Variants in NRXN3 observed in about 807,000 individuals in gnomAD.
NRXN3 encodes the protein neurexin 3.
A neutral mutation model predicts 137.6 loss-of-function variants in NRXN3; 32 were observed. That is an observed-to-expected ratio of 0.23 (90% CI 0.18 to 0.31). The LOEUF is 0.31. Ranked by LOEUF, NRXN3 falls within the 10% of genes least tolerant of loss-of-function variation. The pLI, the probability that NRXN3 is intolerant of heterozygous loss-of-function variation, is 1.00. For synonymous variants in NRXN3, 798 were observed against 784.5 expected (o/e 1.02, Z -0.29); for missense variants, 1,574 against 2,062.5 (o/e 0.76, Z 4.59).
chr14:78,728,856 A>G lies in NRXN3; in HGVS notation c.2044+13717A>G, dbSNP rs150477661. On this transcript the variant is annotated intron_variant, in intron 8 of 20. Coordinates refer to ENST00000335750, the MANE Select transcript of NRXN3 (RefSeq NM_001330195.2). ...GGAGGTTGCAGTGAGCTGAGACTGC[A>G]CCACTGCACTCCAGCCTGGGCAACA... 0.01 allele frequency among the ~76,000 whole-genome samples: 1,526 copies of G among 152,260 alleles called. 79 individuals are homozygous for G. The East Asian group carries it at 0.16, about 16-fold the overall frequency.
intron 15 of NRXN3, among the ~76,000 whole-genome samples, chr14:79,428,354 ATAT>A (rs1555442288): frequency 2.6e-5 from 4 of 151,986 alleles, no homozygotes; most frequent in Non-Finnish European, 4.4e-5. Flanking sequence ...TAAAAAAATA[ATAT>A]TATCTTTTAT....
At chr14:79,441,779 G>A (rs554503380) in intron 15 of NRXN3, among the ~76,000 whole-genome samples, 1 of 151,680 alleles carries the variant, frequency 6.6e-6, no homozygotes, top group Non-Finnish European at 1.5e-5. Context: ...CACACAGTAT[G>A]TGTGTGTGAA....
intron 10 of NRXN3, among the ~76,000 whole-genome samples, chr14:78,952,874 CAA>C (rs2099389717): frequency 6.6e-6 from 1 of 152,130 alleles, no homozygotes; most frequent in African/African-American, 2.4e-5. Flanking sequence ...TCCACCCAAG[CAA>C]AAGTTTCCAA....
At chr14:78,792,257 C>CAAAAAAAAAAAAAAAAAA (rs140968788) in intron 8 of NRXN3, among the ~76,000 whole-genome samples, 2 of 19,456 alleles carry the variant, frequency 1.0e-4, no homozygotes, top group African/African-American at 5.5e-4. Flanking sequence ...AGACTAAAGG[C>CAAAAAAAAAAAAAAAAAA]AAAAAAAAAA....
chr14:78,463,236 G>GGT (rs144999374), intron 4 of NRXN3, among the ~76,000 whole-genome samples: 1 of 151,722 alleles, frequency 6.6e-6, no homozygotes, highest in Non-Finnish European at 1.5e-5. Context: ...ATGTATACAT[G>GGT]GTGTGTGTGT....
chr14:78,286,503 C>A (rs570877751), intron 3 of NRXN3, among the ~76,000 whole-genome samples: 1 of 152,040 alleles, frequency 6.6e-6, no homozygotes, highest in Non-Finnish European at 1.5e-5. Context: ...CTGGTAAGGA[C>A]GAGGCTAAGC....
At chr14:79,836,821 A>G (rs2099345079) in intron 20 of NRXN3, among the ~76,000 whole-genome samples, 1 of 152,114 alleles carries the variant, frequency 6.6e-6, no homozygotes, top group Non-Finnish European at 1.5e-5. Flanking sequence ...CACACAAAAA[A>G]TCCTGACTCA....
At chr14:79,306,724 G>A (rs777416986) in intron 15 of NRXN3, among the ~76,000 whole-genome samples, 10 of 152,004 alleles carry the variant, frequency 6.6e-5, no homozygotes, top group Non-Finnish European at 1.5e-4. Flanking sequence ...TTTGAGATAA[G>A]CCCCAGTTGT....
rs1005841503 is a variant in NRXN3, at chr14:79,436,663, G to A, written c.3263-30558G>A. Among the ~76,000 whole-genome samples the A allele has an allele frequency of 3.9e-5, 6 of 152,148 alleles. 1 individual carries two copies. The South Asian group carries it at 1.2e-3, about 32-fold the overall frequency. ...TCTGCTAAGAAAAGACATACTGTTT[G>A]TTTTTATTGGGCAGGCAGCATCCTA... On this transcript the variant is annotated intron_variant, in intron 15 of 20. Transcript: ENST00000335750.
At chr14:79,809,431 G>A (rs1338372173) in intron 20 of NRXN3, among the ~76,000 whole-genome samples, 2 of 152,080 alleles carry the variant, frequency 1.3e-5, no homozygotes, top group Non-Finnish European at 2.9e-5. Flanking sequence ...AAGCCACTGT[G>A]CCTGGCCAAA....
intron 10 of NRXN3, among the ~76,000 whole-genome samples, chr14:78,889,769 G>C (rs768070745): frequency 6.6e-6 from 1 of 152,056 alleles, no homozygotes; most frequent in African/African-American, 2.4e-5. Context: ...AAGTGTGGGA[G>C]GTAGATAGGT....
rs560015170 is a variant in NRXN3, at chr14:79,489,993, C to T, written c.3444+22591C>T. Among the ~76,000 whole-genome samples, 7 of 142,674 alleles carry T rather than the reference C, an allele frequency of 4.9e-5. No individual in the cohort carries two copies. The South Asian group carries it at 1.3e-3, about 27-fold the overall frequency. The allele number at this position is 142,674 out of a possible 152,430, so 93.6% of individuals were successfully genotyped here. ...GGCAGAGCTTGCAGTGAGCCGAGAT[C>T]ACGCCACTGCACTCCAGCGTGGGGG... On this transcript the variant is annotated intron_variant, in intron 16 of 20. Transcript: ENST00000335750.
intron 15 of NRXN3, among the ~76,000 whole-genome samples, chr14:79,081,081 G>T (rs922943560): frequency 6.6e-6 from 1 of 152,126 alleles, no homozygotes; most frequent in African/African-American, 2.4e-5. Context: ...ATTGTGCTAA[G>T]TATTTTGCGT....
intron 4 of NRXN3, among the ~76,000 whole-genome samples, chr14:78,368,967 TG>T (rs576531042): frequency 5.3e-4 from 81 of 152,316 alleles, no homozygotes; most frequent in African/African-American, 1.9e-3. Flanking sequence ...GGTTACTCAC[TG>T]GTCTTCTGGG....
At chr14:78,791,926 A>G (rs1312283902) in intron 8 of NRXN3, among the ~76,000 whole-genome samples, 1 of 152,168 alleles carries the variant, frequency 6.6e-6, no homozygotes, top group Non-Finnish European at 1.5e-5. Context: ...AGCTAATTCT[A>G]GGTGGCAAGA....
At chr14:78,511,605 T>G (rs1003775318) in intron 4 of NRXN3, among the ~76,000 whole-genome samples, 1 of 152,178 alleles carries the variant, frequency 6.6e-6, no homozygotes, top group Admixed American at 6.5e-5. Context: ...TGCATATATA[T>G]TTTTCTAATT....
At chr14:78,900,164 C>A (rs2099190836) in intron 10 of NRXN3, among the ~76,000 whole-genome samples, 1 of 151,938 alleles carries the variant, frequency 6.6e-6, no homozygotes, top group Admixed American at 6.6e-5. Flanking sequence ...TGTTCTGACA[C>A]CATTTTTTAA....
intron 15 of NRXN3, among the ~76,000 whole-genome samples, chr14:79,170,469 G>C (rs1256477120): frequency 6.6e-6 from 1 of 152,068 alleles, no homozygotes; most frequent in East Asian, 1.9e-4. Flanking sequence ...AGAAAATAAA[G>C]AGATATCTGG....
chr14:79,680,615 G>T (rs1018852504), intron 17 of NRXN3, among the ~76,000 whole-genome samples: 2 of 152,046 alleles, frequency 1.3e-5, no homozygotes, highest in Non-Finnish European at 2.9e-5. Flanking sequence ...TTCATACCCT[G>T]CAGGGACATA....
Sources: gnomAD v4.1 joint callset for allele counts (sites outside exome capture counted in the v4.1 genomes callset) on GRCh38, gnomAD v4.1.1 for gene constraint, MANE v1.5 for transcripts, NCBI Gene and HGNC (gene_info 2026-07-23, HGNC 2026-07-21) for gene names.